The following RFTN1 variants were observed in gnomAD, a reference collection of about 807,000 sequenced individuals.
The protein encoded by RFTN1 is raftlin, lipid raft linker 1, also known as raftlin.
In RFTN1, 26 loss-of-function variants were observed where a neutral mutation model predicts 46.5. That is an observed-to-expected ratio of 0.56 (90% confidence interval 0.41 to 0.78). The LOEUF (loss-of-function observed/expected upper bound fraction) is 0.78. Ranked by LOEUF, RFTN1 falls within the 30% of genes least tolerant of loss-of-function variation. The pLI, the probability that RFTN1 is intolerant of heterozygous loss-of-function variation, is 0.00. For synonymous variants in RFTN1, 261 were observed against 284.2 expected (o/e 0.92, Z 0.82); for missense variants, 693 against 718.7 (o/e 0.96, Z 0.41).
chr3:16,477,858 C>T (rs756952920), intron 2 of RFTN1, among the ~76,000 whole-genome samples: 8 of 152,168 alleles, frequency 5.3e-5, no homozygotes, highest in Non-Finnish European at 8.8e-5. Context: ...AACTGGTTGA[C>T]GCAGAAGGCA....
At chr3:16,476,985 G>A (rs2076292817) in intron 2 of RFTN1, among the ~76,000 whole-genome samples, 1 of 152,040 alleles carries the variant, frequency 6.6e-6, no homozygotes, top group African/African-American at 2.4e-5. Flanking sequence ...CTCTCCACAG[G>A]GAGGCTGTCA....
rs1236019284 is a variant in RFTN1, at chr3:16,448,082, C to A, written c.146-14045G>T. 6.7e-6 allele frequency among the ~76,000 whole-genome samples: 1 copy of A among 148,584 alleles called. No homozygotes were observed. The highest frequency in any genetic ancestry group is 1.5e-5 in the Non-Finnish European group (1 of 67,362). On this transcript the variant is annotated intron_variant, in intron 2 of 9. Transcript: ENST00000334133. This position sits in a 1 kb window ranked among gnomAD's most constrained non-coding sequence, Gnocchi z 4.1. ...GTGGCCAGTGTGATTGAGATGTGCC[C>A]AAAGTATAAATAAATACACACAGGA...
At chr3:16,349,168 C>A (rs185092431) in intron 7 of RFTN1, 4 of 152,158 alleles carry the variant, frequency 2.6e-5, no homozygotes, top group African/African-American at 9.7e-5. Context: ...CTGTGACGTT[C>A]CTAACAGCAG....
chr3:16,399,830 T>TC (rs527640882), intron 4 of RFTN1, among the ~76,000 whole-genome samples: 8 of 152,158 alleles, frequency 5.3e-5, no homozygotes, highest in Non-Finnish European at 1.2e-4. Flanking sequence ...CCTTGTCCTC[T>TC]CCCTCTCCAC....
At chr3:16,367,318 C>T (rs772815600) in intron 6 of RFTN1, among the ~76,000 whole-genome samples, 1 of 151,988 alleles carries the variant, frequency 6.6e-6, no homozygotes, top group South Asian at 2.1e-4. Flanking sequence ...AGATCACACA[C>T]GTATTTCATC....
At chr3:16,365,887 G>A (rs966897807) in intron 6 of RFTN1, among the ~76,000 whole-genome samples, 1 of 152,174 alleles carries the variant, frequency 6.6e-6, no homozygotes, top group Admixed American at 6.5e-5. Flanking sequence ...AGAAAAAAGG[G>A]CTCTTCTAGG....
intron 7 of RFTN1, among the ~76,000 whole-genome samples, chr3:16,355,107 CTCT>C (rs1168487052): frequency 6.6e-5 from 10 of 152,192 alleles, no homozygotes; most frequent in South Asian, 2.1e-4. Flanking sequence ...TACAGCTCTC[CTCT>C]TCTTCTGAGC....
At chr3:16,357,260 T>TA (rs2072515598) in intron 7 of RFTN1, among the ~76,000 whole-genome samples, 1 of 152,230 alleles carries the variant, frequency 6.6e-6, no homozygotes, top group South Asian at 2.1e-4. Flanking sequence ...CTTCCGCAGT[T>TA]AGAGAAATGC....
intron 2 of RFTN1, among the ~76,000 whole-genome samples, chr3:16,486,758 A>G (rs1054612629): frequency 6.6e-6 from 1 of 152,262 alleles, no homozygotes; most frequent in African/African-American, 2.4e-5. Flanking sequence ...CCAAAGTAAA[A>G]TACCAATCTA....
Position 16,507,001 on chromosome 3 carries a change from AAC to A in RFTN1, c.-9+6439_-9+6440del. ...CAGGGGTTGGTCATACAGGCTCTGG[AAC>A]CAGACTGACTAGGTTCAAATCCTGC... On this transcript the variant is annotated intron_variant, in intron 1 of 9. Transcript: ENST00000334133. The surrounding 1 kb of genome is among the most constrained non-coding windows in gnomAD (Gnocchi z 7.1). 6.6e-6 allele frequency among the ~76,000 whole-genome samples: 1 copy of A among 152,328 alleles called. No individual in the cohort carries two copies. Among genetic ancestry groups the A allele is most frequent in the South Asian group, 2.1e-4 (1 of 4,818 alleles).
Position 16,448,281 on chromosome 3 carries a change from C to T in RFTN1, c.146-14244G>A, listed in dbSNP as rs983760967. Among the ~76,000 whole-genome samples, 8 of 152,096 alleles carry T rather than the reference C, an allele frequency of 5.3e-5. No homozygotes were observed. The highest frequency in any genetic ancestry group is 1.3e-4 in the Admixed American group (2 of 15,272). ...CTAGAAAATTTTTCAATGGCATTCACAAGTCATATTGTATTTCTATTGGAC... is the reference window on the plus strand; with the variant it reads ...CTAGAAAATTTTTCAATGGCATTCATAAGTCATATTGTATTTCTATTGGAC... On this transcript the variant is annotated intron_variant, in intron 2 of 9. Transcript: ENST00000334133. The surrounding 1 kb of genome is among the most constrained non-coding windows in gnomAD (Gnocchi z 4.1).
At chr3:16,372,021 G>A (rs1253233048) in intron 5 of RFTN1, among the ~76,000 whole-genome samples, 4 of 152,206 alleles carry the variant, frequency 2.6e-5, no homozygotes, top group African/African-American at 9.7e-5. Flanking sequence ...GGTGTCAGGG[G>A]TTCAATTAAA....
chr3:16,338,202 G>T lies in RFTN1; in HGVS notation c.1147-11326C>A, dbSNP rs890750214. On this transcript the variant is annotated intron_variant, in intron 7 of 9. Transcript: ENST00000334133. The surrounding 1 kb of genome is among the most constrained non-coding windows in gnomAD (Gnocchi z 5.3). ...AAGAAAGGGGCTACGGGATGGAAGGGCAGGAGATGGCATGCATCCTTATTA... is the reference window on the plus strand; with the variant it reads ...AAGAAAGGGGCTACGGGATGGAAGGTCAGGAGATGGCATGCATCCTTATTA... Among the ~76,000 whole-genome samples, 2 of 152,236 alleles carry T rather than the reference G, an allele frequency of 1.3e-5. No individual in the cohort carries two copies. Among genetic ancestry groups the T allele is most frequent in the African/African-American group, 2.4e-5 (1 of 41,456 alleles).
rs766171014 is a variant in RFTN1 at position 16,335,868 on chromosome 3, G to A, written c.1147-8992C>T. ...AGCCTGGAAACTGGATGGATGGATGGTGAGGTCTCAGGAGGCCACAGGCAG... is the reference window on the plus strand; with the variant it reads ...AGCCTGGAAACTGGATGGATGGATGATGAGGTCTCAGGAGGCCACAGGCAG... On this transcript the variant is annotated intron_variant, in intron 7 of 9. Transcript: ENST00000334133. The surrounding 1 kb of genome is among the most constrained non-coding windows in gnomAD (Gnocchi z 4.7). Among the ~76,000 whole-genome samples, 4 of 152,174 alleles carry A rather than the reference G, an allele frequency of 2.6e-5. No homozygotes were observed. Among genetic ancestry groups the A allele is most frequent in the Non-Finnish European group, 5.9e-5 (4 of 68,038 alleles).
At chr3:16,486,447 C>T (rs2076447985) in intron 2 of RFTN1, among the ~76,000 whole-genome samples, 1 of 152,212 alleles carries the variant, frequency 6.6e-6, no homozygotes, top group Non-Finnish European at 1.5e-5. Context: ...CATGCTCCAA[C>T]CAAACTGAAC....
rs1040921667 is a variant in RFTN1 at position 16,361,013 on chromosome 3, T to C, written c.1031-2966A>G. 4.6e-5 allele frequency among the ~76,000 whole-genome samples: 7 copies of C among 152,214 alleles called. No individual in the cohort carries two copies. The highest frequency in any genetic ancestry group is 1.0e-4 in the Non-Finnish European group (7 of 68,040). Reference sequence around the variant, plus strand: ...ATAATTTGAGTTTTCTTTTATATCCTTTTCTGTGAGGTTATTAACAAGTTA... The same window carrying C: ...ATAATTTGAGTTTTCTTTTATATCCCTTTCTGTGAGGTTATTAACAAGTTA... On this transcript the variant is annotated intron_variant, in intron 6 of 9. Transcript: ENST00000334133. The surrounding 1 kb of genome is among the most constrained non-coding windows in gnomAD (Gnocchi z 4.3).
chr3:16,421,705 C>A lies in RFTN1; in HGVS notation c.332+12146G>T, dbSNP rs114508693. On this transcript the variant is annotated intron_variant, in intron 3 of 9. Transcript: ENST00000334133. The surrounding 1 kb of genome is among the most constrained non-coding windows in gnomAD (Gnocchi z 4.6). ...CCCACAAAGCTCTTATGGGCAGAGACGGGTCAGTGTAGCCATTTCCACATG... is the reference window on the plus strand; with the variant it reads ...CCCACAAAGCTCTTATGGGCAGAGAAGGGTCAGTGTAGCCATTTCCACATG... Among the ~76,000 whole-genome samples the A allele has an allele frequency of 4.7e-3, 714 of 152,248 alleles. 10 individuals carry two copies. The highest frequency in any genetic ancestry group is 0.016 in the African/African-American group (683 of 41,556).
chr3:16,373,703 G>T (rs2073621456), intron 5 of RFTN1, among the ~76,000 whole-genome samples: 1 of 152,208 alleles, frequency 6.6e-6, no homozygotes, highest in Admixed American at 6.5e-5. Flanking sequence ...GCTAGATGTG[G>T]GAGGAGGAGG....
intron 3 of RFTN1, among the ~76,000 whole-genome samples, chr3:16,419,927 A>G (rs1201385888): frequency 6.6e-6 from 1 of 152,130 alleles, no homozygotes; most frequent in East Asian, 1.9e-4. Flanking sequence ...ATGATGGGGG[A>G]GATGTGCAAA....
Sources: gnomAD v4.1 joint callset for allele counts (sites outside exome capture counted in the v4.1 genomes callset) on GRCh38, gnomAD v4.1.1 for gene constraint, Gnocchi (gnomAD v3.1) non-coding constraint, MANE v1.5 for transcripts, NCBI Gene and HGNC (gene_info 2026-07-23, HGNC 2026-07-21) for gene names.